Variants in AFAP1L2 observed in about 807,000 individuals in gnomAD.
AFAP1L2 encodes the protein actin filament-associated protein 1-like 2.
AFAP1L2 carries 46 observed loss-of-function variants against 99.3 expected under a neutral mutation model. The ratio of observed to expected loss-of-function variants is 0.46; its 90% CI spans 0.37 to 0.59. The LOEUF (loss-of-function observed/expected upper bound fraction) is 0.59. AFAP1L2 is among the 20% of genes least tolerant of loss of function. AFAP1L2 has a pLI of 0.00. For missense variants in AFAP1L2, 959 were observed against 1,034.9 expected (o/e 0.93, Z 1.01); for synonymous variants, 397 against 419.1 (o/e 0.95, Z 0.64).
chr10:114,337,707 G>A (rs551639060), intron 2 of AFAP1L2, among the ~76,000 whole-genome samples: 1 of 152,368 alleles, frequency 6.6e-6, no homozygotes, highest in East Asian at 1.9e-4. Context: ...ACATGTAGGA[G>A]GCGCTGCCAG....
intron 1 of AFAP1L2, among the ~76,000 whole-genome samples, chr10:114,366,556 C>T (rs1472653961): frequency 6.6e-6 from 1 of 152,194 alleles, no homozygotes; most frequent in African/African-American, 2.4e-5. Flanking sequence ...TGGAGCTCCA[C>T]CTTTCGAGGC....
At chr10:114,404,794 A>AC (rs2058570329), upstream of AFAP1L2, 1 of 266,998 alleles carries the variant, frequency 3.7e-6, no homozygotes, top group African/African-American at 2.2e-5. Context: ...TCGAGAGGGA[A>AC]CGAGACTGGG....
chr10:114,315,977 T>A (rs1255380309), intron 5 of AFAP1L2, among the ~76,000 whole-genome samples: 1 of 152,242 alleles, frequency 6.6e-6, no homozygotes, highest in Non-Finnish European at 1.5e-5. Context: ...GGATGCTGCC[T>A]GTGGCCACAA....
At chr10:114,305,430 AGGG>A (rs2042063914) in intron 10 of AFAP1L2, among the ~76,000 whole-genome samples, 1 of 5,040 alleles carries the variant, frequency 2.0e-4, no homozygotes, top group Non-Finnish European at 6.7e-4. Context: ...CAGATGCAGG[AGGG>A]GACGCAGATG....
chr10:114,304,974 A>T, intron 10 of AFAP1L2, 44 bp from the exon 11 acceptor site: 1 of 898,714 alleles, frequency 1.1e-6, no homozygotes, highest in Non-Finnish European at 1.5e-6. Context: ...GGGCTGCAGG[A>T]GGGGACGCAG....
At chr10:114,323,130 G>C (rs1371610608) in intron 5 of AFAP1L2, 41 bp downstream of exon 5, 1 of 1,525,182 alleles carries the variant, frequency 6.6e-7, no homozygotes. Flanking sequence ...TGTGCAGGAA[G>C]CAGTAAGTCA....
intron 2 of AFAP1L2, among the ~76,000 whole-genome samples, chr10:114,335,612 C>CAA (rs57598926): frequency 0.61 from 79,666 of 131,520 alleles, 27,657 homozygotes; most frequent in East Asian, 0.9. Context: ...GACTCCGTCT[C>CAA]AAAAAAAAAA....
intron 1 of AFAP1L2, among the ~76,000 whole-genome samples, chr10:114,397,553 C>T (rs2057841175): frequency 1.3e-5 from 2 of 152,218 alleles, no homozygotes; most frequent in South Asian, 2.1e-4. Context: ...AGCTTAGGTC[C>T]GGTAATAGGG....
At chr10:114,300,712 G>A in intron 13 of AFAP1L2, 22 bp from the exon 14 acceptor site, 1 of 1,563,818 alleles carries the variant, frequency 6.4e-7, no homozygotes, top group Non-Finnish European at 8.7e-7. Context: ...AGTGAGTCTG[G>A]GGCATTCAAC....
chr10:114,296,662 A>AAACTC (rs2040281085), intron 18 of AFAP1L2: 2 of 297,736 alleles, frequency 6.7e-6, no homozygotes, highest in African/African-American at 2.1e-5. Flanking sequence ...TTTGGTTTGA[A>AAACTC]AACTCAGTCA....
chr10:114,335,075 C>A (rs1289224274), intron 2 of AFAP1L2, among the ~76,000 whole-genome samples: 11 of 152,176 alleles, frequency 7.2e-5, no homozygotes, highest in Admixed American at 7.2e-4. Flanking sequence ...TGGTAACAAA[C>A]CATGGCACAT....
chr10:114,396,630 A>C (rs1227705951), intron 1 of AFAP1L2, among the ~76,000 whole-genome samples: 1 of 152,220 alleles, frequency 6.6e-6, no homozygotes, highest in Non-Finnish European at 1.5e-5. Context: ...AGACTTGATT[A>C]CTCAATTCTA....
In AFAP1L2 at chr10:114,376,725, G is replaced by A. The variant is rs540494464; in HGVS notation, c.16+27715C>T. The stretch of plus-strand genomic sequence containing the variant: ...TTCAGACCCTGATAATGCAGTTGCT[G>A]AACTCGTTACATCCAGAACTGTCGA... On this transcript the variant is annotated intron_variant, in intron 1 of 18. Transcript: ENST00000304129. Among the ~76,000 whole-genome samples the A allele has an allele frequency of 2.6e-5, 4 of 152,314 alleles. 1 individual carries two copies. Among genetic ancestry groups the A allele is most frequent in the African/African-American group, 9.6e-5 (4 of 41,562 alleles).
intron 1 of AFAP1L2, among the ~76,000 whole-genome samples, chr10:114,397,031 A>G (rs899961968): frequency 1.3e-5 from 2 of 151,996 alleles, no homozygotes; most frequent in Admixed American, 6.6e-5. Flanking sequence ...ATGATACCCA[A>G]CCTTGACCTT....
chr10:114,317,740 T>C (rs2044361511), intron 5 of AFAP1L2, among the ~76,000 whole-genome samples: 2 of 152,074 alleles, frequency 1.3e-5, no homozygotes, highest in Admixed American at 1.3e-4. Flanking sequence ...GCACCTGTAG[T>C]CCCAGCTACT....
At chr10:114,375,571 C>T (rs918418246) in intron 1 of AFAP1L2, among the ~76,000 whole-genome samples, 1 of 152,136 alleles carries the variant, frequency 6.6e-6, no homozygotes, top group African/African-American at 2.4e-5. Context: ...TGGGGTTCAA[C>T]ATTAGCATTT....
rs377143122 is a variant in AFAP1L2 at position 114,333,246 on chromosome 10, T to C, written c.195A>G (p.Gln65=). ...IYMNKVTINK[Q]QNAESQGKAP... Reference sequence around the variant, plus strand: ...CTTTGCCTTGAGACTCTGCATTCTGTTGCTTGTTGATGGTCACTTTGTTCA... The same window carrying C: ...CTTTGCCTTGAGACTCTGCATTCTGCTGCTTGTTGATGGTCACTTTGTTCA... The change falls in exon 3 of 19, where the codon CAA becomes CAG. Residue 65 remains glutamine, a synonymous_variant. Transcript: ENST00000304129. 154 of 1,613,948 alleles carry C rather than the reference T, an allele frequency of 9.5e-5. No homozygotes were observed. The highest frequency in any genetic ancestry group is 6.3e-4 in the Admixed American group (38 of 60,030).
At chr10:114,327,173 ATTTTTT>A (rs148962632) in intron 4 of AFAP1L2, among the ~76,000 whole-genome samples, 1,176 of 18,672 alleles carry the variant, frequency 0.063, 329 homozygotes, top group Non-Finnish European at 0.15. Context: ...ATATATATAT[ATTTTTT>A]TTTTAGGCAG....
At chr10:114,319,722 A>G (rs983369828) in intron 5 of AFAP1L2, 3 of 1,082,830 alleles carry the variant, frequency 2.8e-6, no homozygotes. Context: ...CCAAGTGCAG[A>G]GACACAAAGA....
Sources: allele counts gnomAD v4.1 joint callset (sites outside exome capture counted in the v4.1 genomes callset), GRCh38; gene constraint gnomAD v4.1.1; transcripts MANE v1.5; gene names NCBI Gene and HGNC (gene_info 2026-07-23, HGNC 2026-07-21).